Variants in CREB3L2 observed in about 807,000 individuals in gnomAD.
CREB3L2 encodes cAMP responsive element binding protein 3 like 2.
Under a neutral mutation model 57.2 loss-of-function variants are expected in CREB3L2, and 23 were observed. That is an observed-to-expected ratio of 0.40 (90% CI 0.29 to 0.57). CREB3L2 has a LOEUF of 0.57. Among genes scored for constraint, CREB3L2 ranks in the 20% least tolerant of loss-of-function variants. The pLI, the probability that CREB3L2 is intolerant of heterozygous loss-of-function variation, is 0.42. For missense variants in CREB3L2, 628 were observed against 634.7 expected (o/e 0.99, Z 0.11); for synonymous variants, 268 against 265.1 (o/e 1.01, Z -0.11).
intron 1 of CREB3L2, among the ~76,000 whole-genome samples, chr7:137,998,561 T>C (rs1022778272): frequency 6.6e-6 from 1 of 152,234 alleles, no homozygotes; most frequent in Non-Finnish European, 1.5e-5. Flanking sequence ...AACATGGGTT[T>C]GAATCCTGGT....
At chr7:137,930,295 C>T (rs1490115065) in intron 1 of CREB3L2, among the ~76,000 whole-genome samples, 1 of 152,184 alleles carries the variant, frequency 6.6e-6, no homozygotes, top group Admixed American at 6.5e-5. Context: ...GTCATCCTTA[C>T]TGATTAAACT....
At chr7:137,896,066 C>T (rs1052026031) in intron 8 of CREB3L2, among the ~76,000 whole-genome samples, 14 of 152,198 alleles carry the variant, frequency 9.2e-5, no homozygotes, top group Non-Finnish European at 2.1e-4. Context: ...TTCCCTTGCC[C>T]AGTACCCCAA....
At chr7:137,904,221 C>G (rs555302364) in intron 6 of CREB3L2, among the ~76,000 whole-genome samples, 2 of 152,338 alleles carry the variant, frequency 1.3e-5, no homozygotes, top group Non-Finnish European at 2.9e-5. Context: ...TCCTACAAAC[C>G]AGGCCACCAG....
Position 137,878,925 on chromosome 7 carries a change from G to C in CREB3L2, c.*1551C>G, listed in dbSNP as rs1799219015. On this transcript the variant is annotated 3_prime_UTR_variant, in exon 12 of 12. Coordinates refer to ENST00000330387, the MANE Select transcript of CREB3L2 (RefSeq NM_194071.4). ...ATGACGTGTGTGGGGGTGGGTGGTG[G>C]GGGGAGAGAGAGAAGGAGAGACAGA... 4 of 400,822 alleles carry C rather than the reference G, an allele frequency of 1.0e-5. No individual in the cohort carries two copies. Among genetic ancestry groups the C allele is most frequent in the South Asian group, 7.4e-5 (3 of 40,556 alleles). 24.8% of individuals were successfully genotyped at this position (400,822 alleles called of 1,614,324 possible).
At position 138,001,124 on chromosome 7, in the gene CREB3L2, C is replaced by CACA. The variant is rs1563278534; in HGVS notation, c.102+479_102+480insTGT. ...ACACACACACACACACACACACACACACGTGTACTTTTTAAAATATAAATA... is the reference window on the plus strand; with the variant it reads ...ACACACACACACACACACACACACACACAACGTGTACTTTTTAAAATATAAATA... On this transcript the variant is annotated intron_variant, in intron 1 of 11. Transcript: ENST00000330387. The surrounding 1 kb of genome is among the most constrained non-coding windows in gnomAD (Gnocchi z 4.2). Among the ~76,000 whole-genome samples the CACA allele has an allele frequency of 6.8e-6, 1 of 146,998 alleles. No individual in the cohort carries two copies. Among genetic ancestry groups the CACA allele is most frequent in the Non-Finnish European group, 1.5e-5 (1 of 67,484 alleles).
intron 1 of CREB3L2, among the ~76,000 whole-genome samples, chr7:137,959,404 C>T (rs1042099197): frequency 2.6e-5 from 4 of 152,186 alleles, no homozygotes; most frequent in Admixed American, 1.3e-4. Context: ...CCCAGCTGAT[C>T]GCCACCCATT....
At chr7:137,993,300 A>T (rs1233606902) in intron 1 of CREB3L2, among the ~76,000 whole-genome samples, 1 of 152,146 alleles carries the variant, frequency 6.6e-6, no homozygotes, top group Non-Finnish European at 1.5e-5. Context: ...TGTGTCCCTC[A>T]ACATCAAAAT....
chr7:137,924,663 CTTG>C (rs1800411727), intron 2 of CREB3L2, among the ~76,000 whole-genome samples: 1 of 149,326 alleles, frequency 6.7e-6, no homozygotes, highest in Admixed American at 6.7e-5. Context: ...TTGGTGTTTT[CTTG>C]TTGTTGTTGC....
intron 1 of CREB3L2, among the ~76,000 whole-genome samples, chr7:137,964,481 A>G (rs77123543): frequency 0.031 from 4,745 of 152,282 alleles, 259 homozygotes; most frequent in African/African-American, 0.11. Context: ...CTCAGCATCT[A>G]GACTAAAGCA....
chr7:137,969,791 C>CACACAT (rs141056660), intron 1 of CREB3L2, among the ~76,000 whole-genome samples: 1 of 148,564 alleles, frequency 6.7e-6, no homozygotes, highest in Non-Finnish European at 1.5e-5. Context: ...CACACACACA[C>CACACAT]ACAACATACA....
At chr7:137,992,437 T>C (rs901989442) in intron 1 of CREB3L2, among the ~76,000 whole-genome samples, 3 of 152,042 alleles carry the variant, frequency 2.0e-5, no homozygotes, top group Non-Finnish European at 4.4e-5. Flanking sequence ...CTGAGATAAA[T>C]GGGTGCAGCG....
Position 137,878,933 on chromosome 7 carries a change from G to C in CREB3L2, c.*1543C>G, listed in dbSNP as rs1362100428. ...TGTGGGGGTGGGTGGTGGGGGGAGAGAGAGAAGGAGAGACAGAGAGAGAGA... is the reference window on the plus strand; with the variant it reads ...TGTGGGGGTGGGTGGTGGGGGGAGACAGAGAAGGAGAGACAGAGAGAGAGA... On this transcript the variant is annotated 3_prime_UTR_variant, in exon 12 of 12. Transcript: ENST00000330387. The C allele has an allele frequency of 7.5e-6, 3 of 402,332 alleles. No homozygotes were observed. The highest frequency in any genetic ancestry group is 1.4e-5 in the Non-Finnish European group (3 of 215,698). 24.9% of individuals were successfully genotyped at this position (402,332 alleles called of 1,614,324 possible). A position where few individuals can be genotyped will look rare whatever the true frequency, so the allele number is the denominator to read the frequency against.
In CREB3L2 at chr7:137,879,058, G is replaced by GA. The variant is rs1206328471; in HGVS notation, c.*1417dup. 4.7e-6 allele frequency: 2 copies of GA among 430,104 alleles called. No individual in the cohort carries two copies. The highest frequency in any genetic ancestry group is 8.8e-6 in the Non-Finnish European group (2 of 228,552). 26.6% of individuals were successfully genotyped at this position (430,104 alleles called of 1,614,324 possible). A position where few individuals can be genotyped will look rare whatever the true frequency, so the allele number is the denominator to read the frequency against. ...CTACACAAAATCTTTCCCAAGCTCG[G>GA]AAAAAACACTTGAGGGTTTTCTACA... On this transcript the variant is annotated 3_prime_UTR_variant, in exon 12 of 12. Coordinates refer to ENST00000330387, the MANE Select transcript of CREB3L2 (RefSeq NM_194071.4).
chr7:137,938,591 G>T (rs1426352261), intron 1 of CREB3L2, among the ~76,000 whole-genome samples: 4 of 151,994 alleles, frequency 2.6e-5, no homozygotes, highest in Non-Finnish European at 5.9e-5. Context: ...TGATCCACCC[G>T]CCTCGGCTTC....
At chr7:137,885,570 T>G in intron 8 of CREB3L2, 68 bp from the exon 9 acceptor site, 2 of 1,317,280 alleles carry the variant, frequency 1.5e-6, no homozygotes, top group Non-Finnish European at 2.2e-6. Flanking sequence ...TCTCTCCATG[T>G]GACCCAAGAA....
rs1585605279 is a variant in CREB3L2 at position 137,900,484 on chromosome 7, A to T, written c.1043+870T>A. On this transcript the variant is annotated intron_variant, in intron 8 of 11. Transcript: ENST00000330387. ...TGCAATTAATAAACTAGCTAATTTTAAAAAACTAATTTAAAAAACAATGAT... is the reference window on the plus strand; with the variant it reads ...TGCAATTAATAAACTAGCTAATTTTTAAAAACTAATTTAAAAAACAATGAT... Among the ~76,000 whole-genome samples, 8 of 152,332 alleles carry T rather than the reference A, an allele frequency of 5.3e-5. No individual in the cohort carries two copies. The South Asian group carries it at 8.3e-4, about 16-fold the overall frequency.
intron 8 of CREB3L2, among the ~76,000 whole-genome samples, chr7:137,898,607 C>A (rs1217395563): frequency 6.6e-6 from 1 of 152,182 alleles, no homozygotes; most frequent in African/African-American, 2.4e-5. Flanking sequence ...AACCGAATAA[C>A]CAATTTTTAT....
intron 8 of CREB3L2, among the ~76,000 whole-genome samples, chr7:137,897,123 T>C (rs1057443704): frequency 2.0e-5 from 3 of 152,202 alleles, no homozygotes; most frequent in African/African-American, 7.2e-5. Context: ...AAGGTAATTA[T>C]GTGGAGTGAT....
chr7:137,908,165 C>G (rs543318344), intron 5 of CREB3L2, 87 bp downstream of exon 5: 1 of 961,640 alleles, frequency 1.0e-6, no homozygotes, highest in Admixed American at 4.3e-5. Context: ...AACCAAACAG[C>G]CTTGAGTGGT....
Sources: gnomAD v4.1 joint callset for allele counts (sites outside exome capture counted in the v4.1 genomes callset) on GRCh38, gnomAD v4.1.1 for gene constraint, Gnocchi (gnomAD v3.1) non-coding constraint, MANE v1.5 for transcripts, NCBI Gene and HGNC (gene_info 2026-07-23, HGNC 2026-07-21) for gene names.